Variants in RNF220 observed in about 807,000 individuals in gnomAD.
RNF220 encodes the protein E3 ubiquitin-protein ligase RNF220.
In RNF220, 7 loss-of-function variants were observed where a neutral mutation model predicts 67.1. The observed-to-expected ratio is 0.10, with a 90% CI of 0.06 to 0.20. The LOEUF (loss-of-function observed/expected upper bound fraction) is 0.20, where lower values mean the gene tolerates loss of function less well. RNF220 is among the 10% of genes least tolerant of loss of function. The pLI, the probability that RNF220 is intolerant of heterozygous loss-of-function variation, is 1.00. For synonymous variants in RNF220, 270 were observed against 283.2 expected, an observed-to-expected ratio of 0.95 and a Z score of 0.47; for missense variants, 565 against 740.3, an observed-to-expected ratio of 0.76 and a Z score of 2.75.
rs920764920 is a variant in RNF220, at chr1:44,650,301, A to G, written c.1629+344A>G. ...CAGGGCCTTGGCCCCTCCCCCTCCC[A>G]TTACTAAGCTCCTTCTGCTCCTGCC... On this transcript the variant is annotated intron_variant, in intron 14 of 14. Transcript: ENST00000361799. This position sits in a 1 kb window ranked among gnomAD's most constrained non-coding sequence, Gnocchi z 4.3. The G allele has an allele frequency of 8.1e-6, 4 of 491,846 alleles. 1 individual carries two copies. Among genetic ancestry groups the G allele is most frequent in the South Asian group, 7.5e-5 (3 of 39,982 alleles). 30.5% of individuals were successfully genotyped at this position (491,846 alleles called of 1,614,324 possible).
At chr1:44,428,180 A>C (rs1289538034) in intron 2 of RNF220, among the ~76,000 whole-genome samples, 3 of 152,166 alleles carry the variant, frequency 2.0e-5, no homozygotes, top group Admixed American at 2.0e-4. Context: ...ATTCTACACT[A>C]AACTCCTACC....
At chr1:44,423,882 A>G in intron 2 of RNF220, 1 of 985,436 alleles carries the variant, frequency 1.0e-6, no homozygotes, top group Non-Finnish European at 1.2e-6. Context: ...GAAGAAGGAA[A>G]AAAAGAAAGC....
At chr1:44,418,837 G>A (rs1042939351) in intron 2 of RNF220, among the ~76,000 whole-genome samples, 5 of 152,064 alleles carry the variant, frequency 3.3e-5, no homozygotes. Flanking sequence ...TGTATTCTTT[G>A]TAAATAATTG....
At chr1:44,591,499 G>A (rs1190993678) in intron 2 of RNF220, among the ~76,000 whole-genome samples, 1 of 152,352 alleles carries the variant, frequency 6.6e-6, no homozygotes. Context: ...CTTACTAAGT[G>A]AGGTCAGTAA....
chr1:44,638,557 C>T (rs1037080304), intron 8 of RNF220: 2 of 152,216 alleles, frequency 1.3e-5, no homozygotes, highest in Non-Finnish European at 2.9e-5. Flanking sequence ...AGAGTAGGGC[C>T]TCTTCTTCAT....
chr1:44,432,952 T>C (rs891751339), intron 2 of RNF220, among the ~76,000 whole-genome samples: 1 of 149,564 alleles, frequency 6.7e-6, no homozygotes, highest in East Asian at 2.0e-4. Context: ...TTTGAGTCTC[T>C]CTCTGTTGCC....
At chr1:44,424,526 T>C (rs1649550729) in intron 2 of RNF220, among the ~76,000 whole-genome samples, 1 of 152,104 alleles carries the variant, frequency 6.6e-6, no homozygotes, top group African/African-American at 2.4e-5. Flanking sequence ...TGTTTGGCCT[T>C]GCAGAAAGGG....
chr1:44,647,185 T>C (rs1644675965), intron 12 of RNF220, among the ~76,000 whole-genome samples: 1 of 152,204 alleles, frequency 6.6e-6, no homozygotes, highest in African/African-American at 2.4e-5. Flanking sequence ...TCTAGTTCTC[T>C]GATTTGGGGT....
At chr1:44,582,014 C>T (rs1295634409) in intron 2 of RNF220, among the ~76,000 whole-genome samples, 1 of 152,184 alleles carries the variant, frequency 6.6e-6, no homozygotes, top group Non-Finnish European at 1.5e-5. Flanking sequence ...GGCCAGCACT[C>T]ACCTTGGGAA....
chr1:44,481,170 C>G (rs1032862807), intron 2 of RNF220, among the ~76,000 whole-genome samples: 3 of 152,104 alleles, frequency 2.0e-5, no homozygotes, highest in Non-Finnish European at 2.9e-5. Flanking sequence ...CGCCTGTAAT[C>G]CCAGCACGTT....
At chr1:44,492,298 A>G (rs1307441701) in intron 2 of RNF220, among the ~76,000 whole-genome samples, 1 of 152,226 alleles carries the variant, frequency 6.6e-6, no homozygotes, top group Non-Finnish European at 1.5e-5. Flanking sequence ...AGAAATTGGA[A>G]GAACCATATG....
At position 44,474,954 on chromosome 1, in the gene RNF220, C is replaced by T. The variant is rs78864706; in HGVS notation, c.625+62232C>T. ...ATCCGCCATGGATACGAAGGGACAA[C>T]TGTATTTTGTAAACGCAGTGATATA... On this transcript the variant is annotated intron_variant, in intron 2 of 14. Transcript: ENST00000361799. Among the ~76,000 whole-genome samples, 774 of 152,008 alleles carry T rather than the reference C, an allele frequency of 5.1e-3. 12 individuals are homozygous for T. The highest frequency in any genetic ancestry group is 0.018 in the African/African-American group (727 of 41,434).
chr1:44,642,200 G>T (rs1362175474), intron 8 of RNF220, among the ~76,000 whole-genome samples: 9 of 152,248 alleles, frequency 5.9e-5, no homozygotes, highest in Non-Finnish European at 1.3e-4. Flanking sequence ...AGTTACACAG[G>T]ATTCTGGGTG....
Position 44,645,363 on chromosome 1 carries a change from T to C in RNF220, c.1367-47T>C, listed in dbSNP as rs755286940. The C allele has an allele frequency of 6.2e-7, 1 of 1,613,598 alleles. No homozygotes were observed. Among genetic ancestry groups the C allele is most frequent in the South Asian group, 1.1e-5 (1 of 91,072 alleles). On this transcript the variant is annotated intron_variant, in intron 11 of 14. Transcript: ENST00000361799. This position sits in a 1 kb window ranked among gnomAD's most constrained non-coding sequence, Gnocchi z 5.0. ...TGACTCAAGCCCAACCCCTCACCTG[T>C]GCTGCCCAGTCTGGCCGGAGTGTGA... is the stretch of plus-strand genomic sequence containing the variant.
chr1:44,497,743 C>T (rs1423774766), intron 2 of RNF220, among the ~76,000 whole-genome samples: 1 of 152,178 alleles, frequency 6.6e-6, no homozygotes, highest in African/African-American at 2.4e-5. Context: ...CAACAATTCC[C>T]CTCATCCCTG....
In RNF220 at chr1:44,635,763, T is replaced by C. The variant is rs148398517; in HGVS notation, c.993+175T>C. 1,464 of 1,444,134 alleles carry C rather than the reference T, an allele frequency of 1.0e-3. 14 individuals carry two copies. The African/African-American group carries it at 0.019, about 19-fold the overall frequency. 89.5% of individuals were successfully genotyped at this position (1,444,134 alleles called of 1,614,324 possible). On this transcript the variant is annotated intron_variant, in intron 7 of 14. Transcript: ENST00000361799. Reference sequence around the variant, plus strand: ...AATCTGTGGGCTCTTGGGGTCTCCATGTGGTCTCAGCAGCTTCTTCCCTTC... The same window carrying C: ...AATCTGTGGGCTCTTGGGGTCTCCACGTGGTCTCAGCAGCTTCTTCCCTTC...
chr1:44,507,400 G>A (rs367876881), intron 2 of RNF220, among the ~76,000 whole-genome samples: 7 of 152,032 alleles, frequency 4.6e-5, no homozygotes, highest in East Asian at 1.9e-4. Flanking sequence ...CATCAATAGC[G>A]GAAATTTGAA....
chr1:44,521,278 T>G (rs1377486859), intron 2 of RNF220, among the ~76,000 whole-genome samples: 2 of 152,250 alleles, frequency 1.3e-5, no homozygotes, highest in African/African-American at 4.8e-5. Flanking sequence ...AGATATCTAT[T>G]CAGCAAACAT....
chr1:44,634,790 C>T (rs538674549), intron 6 of RNF220, among the ~76,000 whole-genome samples: 7 of 152,262 alleles, frequency 4.6e-5, no homozygotes, highest in Admixed American at 2.0e-4. Context: ...GGAACTGAGC[C>T]CCCTGTGGGA....
Sources: allele counts gnomAD v4.1 joint callset (sites outside exome capture counted in the v4.1 genomes callset), GRCh38; gene constraint gnomAD v4.1.1; non-coding constraint Gnocchi (gnomAD v3.1); transcripts MANE v1.5; gene names NCBI Gene and HGNC (gene_info 2026-07-23, HGNC 2026-07-21).